The following LPGAT1 variants were observed in gnomAD, a reference collection of about 807,000 sequenced individuals.
The protein encoded by LPGAT1 is acyl-CoA:lysophosphatidylglycerol acyltransferase 1.
In LPGAT1, 11 loss-of-function variants were observed where a neutral mutation model predicts 47.5. The ratio of observed to expected loss-of-function variants is 0.23; its 90% CI spans 0.15 to 0.38. LPGAT1 has a LOEUF of 0.38. Among genes scored for constraint, LPGAT1 ranks in the 10% least tolerant of loss-of-function variants. The pLI, the probability that LPGAT1 is intolerant of heterozygous loss-of-function variation, is 1.00. For synonymous variants in LPGAT1, 138 were observed against 144.2 expected (o/e 0.96, Z 0.31); for missense variants, 293 against 439.0 (o/e 0.67, Z 2.97).
intron 6 of LPGAT1, among the ~76,000 whole-genome samples, chr1:211,775,785 G>A (rs111449227): frequency 0.011 from 1,654 of 151,868 alleles, 19 homozygotes; most frequent in Non-Finnish European, 0.018. Context: ...AAAATTAGCC[G>A]GGCATGGTGG....
rs186310318 is a variant in LPGAT1 at position 211,790,006 on chromosome 1, T to C, written c.358-2279A>G. Among the ~76,000 whole-genome samples, 518 of 152,322 alleles carry C rather than the reference T, an allele frequency of 3.4e-3. 1 individual carries two copies. Among genetic ancestry groups the C allele is most frequent in the Non-Finnish European group, 5.7e-3 (388 of 68,016 alleles). ...GTTTGATAGGTCTGTCCCTCAGAAC[T>C]TTTCCATTATTTCTAAGAGACAAAA... On this transcript the variant is annotated intron_variant, in intron 3 of 7. Coordinates refer to ENST00000366997, the MANE Select transcript of LPGAT1 (RefSeq NM_014873.3).
intron 2 of LPGAT1, among the ~76,000 whole-genome samples, chr1:211,825,230 C>T (rs1333673653): frequency 2.8e-5 from 3 of 107,680 alleles, no homozygotes; most frequent in Non-Finnish European, 5.2e-5. Context: ...AGGTCTCTGT[C>T]GCCCAGATTG....
At chr1:211,753,543 CAG>C (rs1365400932) in intron 6 of LPGAT1, among the ~76,000 whole-genome samples, 1 of 151,876 alleles carries the variant, frequency 6.6e-6, no homozygotes, top group Non-Finnish European at 1.5e-5. Flanking sequence ...CTATTGTTCT[CAG>C]TCTTTTTTAT....
chr1:211,795,659 G>A (rs907653208), intron 2 of LPGAT1, among the ~76,000 whole-genome samples: 1 of 152,042 alleles, frequency 6.6e-6, no homozygotes, highest in East Asian at 1.9e-4. Context: ...GAGCCACCGC[G>A]CCCAGCCTAG....
At chr1:211,764,266 TG>T (rs1657819114) in intron 6 of LPGAT1, among the ~76,000 whole-genome samples, 2 of 152,212 alleles carry the variant, frequency 1.3e-5, no homozygotes, top group Admixed American at 1.3e-4. Context: ...TATTTTCTCA[TG>T]TGCCTGTTTT....
chr1:211,750,058 A>G lies in LPGAT1; in HGVS notation c.962-8T>C, dbSNP rs1558250962. On this transcript the variant is annotated splice_polypyrimidine_tract_variant and splice_region_variant and intron_variant, in intron 7 of 7. Coordinates refer to ENST00000366997, the MANE Select transcript of LPGAT1 (RefSeq NM_014873.3). ...TGGAAGGTGGAAAAGCTCCTAAAAG[A>G]CAAGATAGAAATATTAGTTTGTTTT... 6.2e-7 allele frequency: 1 copy of G among 1,609,652 alleles called. No individual in the cohort carries two copies. Among genetic ancestry groups the G allele is most frequent in the East Asian group, 2.2e-5 (1 of 44,862 alleles).
At chr1:211,793,402 ATTATTTATTTATTTAT>A (rs10597980) in intron 2 of LPGAT1, 7,633 of 148,620 alleles carry the variant, frequency 0.051, 205 homozygotes, top group Middle Eastern at 0.098. Context: ...TAAAATTATC[ATTATTTATTTATTTAT>A]TTATTTATTT....
chr1:211,830,672 C>G lies in LPGAT1; in HGVS notation c.-127G>C. The G allele has an allele frequency of 8.4e-7, 1 of 1,193,812 alleles. No individual in the cohort carries two copies. The highest frequency in any genetic ancestry group is 1.0e-6 in the Non-Finnish European group (1 of 965,886). The allele number at this position is 1,193,812 out of a possible 1,614,324, so 74.0% of individuals were successfully genotyped here. A position where few individuals can be genotyped will look rare whatever the true frequency, so the allele number is the denominator to read the frequency against. On this transcript the variant is annotated 5_prime_UTR_variant, in exon 1 of 8. Coordinates refer to ENST00000366997, the MANE Select transcript of LPGAT1 (RefSeq NM_014873.3). The surrounding 1 kb of genome is among the most constrained non-coding windows in gnomAD (Gnocchi z 5.9). The stretch of plus-strand genomic sequence containing the variant: ...CGGCGGAAGAAGGCGGTGGCGGGGC[C>G]CTGCCCCGCTCCGGCTGTGGCGCGG...
Position 211,744,197 on chromosome 1 carries a change from T to C in LPGAT1, c.*5702A>G, listed in dbSNP as rs191048948. The C allele has an allele frequency of 6.6e-6, 1 of 152,326 alleles. No individual in the cohort carries two copies. The highest frequency in any genetic ancestry group is 6.5e-5 in the Admixed American group (1 of 15,296). 9.4% of individuals were successfully genotyped at this position (152,326 alleles called of 1,614,324 possible). A position where few individuals can be genotyped will look rare whatever the true frequency, so the allele number is the denominator to read the frequency against. On this transcript the variant is annotated 3_prime_UTR_variant, in exon 8 of 8. Coordinates refer to ENST00000366997, the MANE Select transcript of LPGAT1 (RefSeq NM_014873.3). ...GCAAGTAGATTAACTATGAGAAGTTTATTCAACACTAATAGTTAAGAAAAA... is the reference window on the plus strand; with the variant it reads ...GCAAGTAGATTAACTATGAGAAGTTCATTCAACACTAATAGTTAAGAAAAA...
intron 2 of LPGAT1, among the ~76,000 whole-genome samples, chr1:211,795,865 ATAAG>A (rs1659331558): frequency 1.3e-5 from 2 of 152,202 alleles, no homozygotes; most frequent in Admixed American, 1.3e-4. Flanking sequence ...TGGATATAAA[ATAAG>A]TAAGAACATT....
intron 6 of LPGAT1, among the ~76,000 whole-genome samples, chr1:211,757,185 C>T (rs1357349394): frequency 2.0e-5 from 3 of 150,432 alleles, no homozygotes; most frequent in South Asian, 2.1e-4. Flanking sequence ...AACTGGAAGG[C>T]GGAGGTTGCA....
intron 2 of LPGAT1, among the ~76,000 whole-genome samples, chr1:211,819,683 C>T (rs74500598): frequency 3.0e-3 from 458 of 152,040 alleles, no homozygotes; most frequent in Non-Finnish European, 4.1e-3. Flanking sequence ...CAGAACAATA[C>T]CTTTCCTTAA....
intron 6 of LPGAT1, among the ~76,000 whole-genome samples, chr1:211,769,642 C>T (rs1375997531): frequency 9.9e-5 from 15 of 152,270 alleles, no homozygotes; most frequent in South Asian, 4.1e-4. Flanking sequence ...CTTAATTATA[C>T]GGTAAACAAG....
At chr1:211,802,981 T>C (rs769609203) in intron 2 of LPGAT1, 3 of 152,180 alleles carry the variant, frequency 2.0e-5, no homozygotes, top group Non-Finnish European at 4.4e-5. Context: ...TAGAGATTAT[T>C]ATTAAAATAA....
chr1:211,759,549 T>C (rs543105122), intron 6 of LPGAT1, among the ~76,000 whole-genome samples: 2 of 152,332 alleles, frequency 1.3e-5, no homozygotes, highest in South Asian at 4.1e-4. Flanking sequence ...TCCCGCTTTC[T>C]ACTGTAATTG....
rs202234734 is a variant in LPGAT1, at chr1:211,793,048, T to C, written c.357+24A>G. ...TTTAACCTTCCTTTCTGGATGTCTATCTACTGCCTTCAGGGTAGCTTACCA... is the reference window on the plus strand; with the variant it reads ...TTTAACCTTCCTTTCTGGATGTCTACCTACTGCCTTCAGGGTAGCTTACCA... On this transcript the variant is annotated intron_variant, in intron 3 of 7. Transcript: ENST00000366997. 928 of 1,488,788 alleles carry C rather than the reference T, an allele frequency of 6.2e-4. No individual in the cohort carries two copies. The highest frequency in any genetic ancestry group is 7.8e-4 in the Non-Finnish European group (845 of 1,083,858). 92.2% of individuals were successfully genotyped at this position (1,488,788 alleles called of 1,614,324 possible). A position where few individuals can be genotyped will look rare whatever the true frequency, so the allele number is the denominator to read the frequency against.
chr1:211,812,913 A>G (rs1660039826), intron 2 of LPGAT1, among the ~76,000 whole-genome samples: 1 of 152,140 alleles, frequency 6.6e-6, no homozygotes, highest in African/African-American at 2.4e-5. Flanking sequence ...GTGAGAGAAT[A>G]AGTTTATGTT....
chr1:211,784,159 G>A (rs1260307496), intron 4 of LPGAT1, among the ~76,000 whole-genome samples: 1 of 152,180 alleles, frequency 6.6e-6, no homozygotes, highest in Non-Finnish European at 1.5e-5. Flanking sequence ...TCAGGGGTAG[G>A]AAATGAAGCT....
At chr1:211,781,047 A>C (rs1321958260) in intron 5 of LPGAT1, among the ~76,000 whole-genome samples, 1 of 152,212 alleles carries the variant, frequency 6.6e-6, no homozygotes, top group Non-Finnish European at 1.5e-5. Flanking sequence ...ACACAAAGGC[A>C]TGGTTTGCGT....
Sources: gnomAD v4.1 joint callset for allele counts (sites outside exome capture counted in the v4.1 genomes callset) on GRCh38, gnomAD v4.1.1 for gene constraint, Gnocchi (gnomAD v3.1) non-coding constraint, MANE v1.5 for transcripts, NCBI Gene and HGNC (gene_info 2026-07-23, HGNC 2026-07-21) for gene names.